The following NIBAN1 variants were observed in gnomAD, a reference collection of about 807,000 sequenced individuals.
NIBAN1 encodes the protein protein Niban 1.
NIBAN1 carries 81 observed loss-of-function variants against 75.1 expected under a neutral mutation model. The observed-to-expected ratio is 1.08, with a 90% confidence interval of 0.90 to 1.30. The LOEUF is 1.30. NIBAN1 is among the 50% of genes most tolerant of loss of function. NIBAN1 has a pLI of 0.00. For missense variants in NIBAN1, 1,133 were observed against 1,128.1 expected (o/e 1.00, Z -0.06); for synonymous variants, 436 against 424.8 (o/e 1.03, Z -0.32).
intron 1 of NIBAN1, among the ~76,000 whole-genome samples, chr1:184,950,528 A>C (rs150234012): frequency 2.6e-5 from 4 of 152,316 alleles, no homozygotes; most frequent in Admixed American, 1.3e-4. Flanking sequence ...CATGAAATGT[A>C]CCCAAGAACA....
At chr1:184,834,848 CTTTAG>C (rs1655096151) in intron 5 of NIBAN1, among the ~76,000 whole-genome samples, 1 of 152,152 alleles carries the variant, frequency 6.6e-6, no homozygotes, top group South Asian at 2.1e-4. Flanking sequence ...TGCAGAAGCT[CTTTAG>C]TTTAATTAGG....
chr1:184,898,482 G>A (rs983923773), intron 2 of NIBAN1, among the ~76,000 whole-genome samples: 1 of 152,046 alleles, frequency 6.6e-6, no homozygotes, highest in Admixed American at 6.6e-5. Flanking sequence ...TGGGTGTGGT[G>A]GTGCGCACCT....
intron 5 of NIBAN1, among the ~76,000 whole-genome samples, chr1:184,834,194 T>C (rs567284475): frequency 1.5e-3 from 232 of 152,338 alleles, no homozygotes; most frequent in African/African-American, 5.2e-3. Context: ...GAACTCATCC[T>C]TTTTTATGGC....
chr1:184,904,285 C>G (rs1365638660), intron 1 of NIBAN1, among the ~76,000 whole-genome samples: 1 of 152,176 alleles, frequency 6.6e-6, no homozygotes, highest in African/African-American at 2.4e-5. Context: ...CGCCTCGACT[C>G]CCATAGTGCT....
rs1390202836 is a variant in NIBAN1, at chr1:184,793,716, TG to T, written c.*1260del. 6.6e-6 allele frequency: 1 copy of T among 152,232 alleles called. No homozygotes were observed. The highest frequency in any genetic ancestry group is 1.5e-5 in the Non-Finnish European group (1 of 68,038). 9.4% of individuals were successfully genotyped at this position (152,232 alleles called of 1,614,324 possible). On this transcript the variant is annotated 3_prime_UTR_variant, in exon 14 of 14. Coordinates refer to ENST00000367511, the MANE Select transcript of NIBAN1 (RefSeq NM_052966.4). ...AAGTCTCTTCCATTTTCAACATTAA[TG>T]GTTATAGGTCACCATCCGTTAAGAA...
At chr1:184,965,309 A>C (rs968485660) in intron 1 of NIBAN1, among the ~76,000 whole-genome samples, 2 of 152,052 alleles carry the variant, frequency 1.3e-5, no homozygotes, top group Non-Finnish European at 2.9e-5. Flanking sequence ...AAAAAAAAAA[A>C]AGAGAAGAAT....
At chr1:184,806,312 G>T (rs997692373) in intron 10 of NIBAN1, among the ~76,000 whole-genome samples, 7 of 152,212 alleles carry the variant, frequency 4.6e-5, no homozygotes, top group Non-Finnish European at 8.8e-5. Context: ...GTCATCTCCC[G>T]TGGGCACTCC....
In NIBAN1 at chr1:184,946,726, A is replaced by G. The variant is rs562994755; in HGVS notation, c.55+27576T>C. Among the ~76,000 whole-genome samples the G allele has an allele frequency of 2.0e-5, 3 of 152,360 alleles. No individual in the cohort carries two copies. In the South Asian group the frequency reaches 6.2e-4, roughly 32 times the overall value. On this transcript the variant is annotated intron_variant, in intron 1 of 13. Coordinates refer to ENST00000367511, the MANE Select transcript of NIBAN1 (RefSeq NM_052966.4). ...TACCTGCTATTGGGAGTGGAAGGCC[A>G]CATTCTCCACTCTTCATATTTTCAT...
chr1:184,808,605 A>C (rs1654275818), intron 9 of NIBAN1, among the ~76,000 whole-genome samples: 1 of 152,014 alleles, frequency 6.6e-6, no homozygotes, highest in African/African-American at 2.4e-5. Context: ...AGGCTTCCAA[A>C]ATCTTCTTTA....
At chr1:184,888,505 G>A (rs945760823) in intron 4 of NIBAN1, among the ~76,000 whole-genome samples, 2 of 152,134 alleles carry the variant, frequency 1.3e-5, no homozygotes, top group African/African-American at 4.8e-5. Flanking sequence ...TTTTCCAGAT[G>A]CCATCAGTGA....
intron 1 of NIBAN1, among the ~76,000 whole-genome samples, chr1:184,910,527 A>G (rs1030433672): frequency 6.6e-6 from 1 of 152,220 alleles, no homozygotes; most frequent in Admixed American, 6.5e-5. Flanking sequence ...CTCTGTTAGT[A>G]CTACATTAAT....
chr1:184,931,198 C>A (rs1657813286), intron 1 of NIBAN1, among the ~76,000 whole-genome samples: 1 of 152,024 alleles, frequency 6.6e-6, no homozygotes, highest in Non-Finnish European at 1.5e-5. Context: ...CGGGGTTTCA[C>A]CATGTTGGCC....
intron 9 of NIBAN1, among the ~76,000 whole-genome samples, chr1:184,812,550 T>G (rs972016999): frequency 8.5e-5 from 13 of 152,206 alleles, no homozygotes; most frequent in Non-Finnish European, 1.6e-4. Context: ...TAAAAATCAC[T>G]GCTTATCTCC....
intron 1 of NIBAN1, among the ~76,000 whole-genome samples, chr1:184,937,931 G>A (rs1489857353): frequency 2.0e-5 from 3 of 152,188 alleles, no homozygotes; most frequent in African/African-American, 7.2e-5. Context: ...AGGGACTGCG[G>A]GAGCTTGACA....
At chr1:184,892,645 T>C (rs1225821854) in intron 3 of NIBAN1, among the ~76,000 whole-genome samples, 1 of 152,166 alleles carries the variant, frequency 6.6e-6, no homozygotes, top group African/African-American at 2.4e-5. Context: ...TGAAATAAGT[T>C]TGTAGTATAT....
rs1207806565 is a variant in NIBAN1 at position 184,793,863 on chromosome 1, CCAAA to C, written c.*1110_*1113del. On this transcript the variant is annotated 3_prime_UTR_variant, in exon 14 of 14. Transcript: ENST00000367511. ...GAGACTCAATTAGCTTGCTGAATGA[CCAAA>C]CAAATGATTTCAGCTTTTGATAACA... 3.3e-5 allele frequency: 5 copies of C among 152,166 alleles called. No individual in the cohort carries two copies. The highest frequency in any genetic ancestry group is 3.3e-4 in the Admixed American group (5 of 15,278). 9.4% of individuals were successfully genotyped at this position (152,166 alleles called of 1,614,324 possible).
intron 13 of NIBAN1, among the ~76,000 whole-genome samples, chr1:184,796,680 C>T (rs1004343339): frequency 1.3e-5 from 2 of 152,158 alleles, no homozygotes; most frequent in South Asian, 4.1e-4. Context: ...CATTTTTGAC[C>T]ACAGGCCTCC....
chr1:184,961,102 T>C (rs933750287), intron 1 of NIBAN1, among the ~76,000 whole-genome samples: 1 of 131,288 alleles, frequency 7.6e-6, no homozygotes, highest in African/African-American at 2.9e-5. Flanking sequence ...GGAGTCTTGC[T>C]CTGTCGCCCA....
At chr1:184,949,360 AAAAT>A (rs917555354) in intron 1 of NIBAN1, among the ~76,000 whole-genome samples, 1 of 152,234 alleles carries the variant, frequency 6.6e-6, no homozygotes, top group African/African-American at 2.4e-5. Flanking sequence ...TCCGTCTCAA[AAAAT>A]AAATAAATAA....
Sources: allele counts gnomAD v4.1 joint callset (sites outside exome capture counted in the v4.1 genomes callset), GRCh38; gene constraint gnomAD v4.1.1; transcripts MANE v1.5; gene names NCBI Gene and HGNC (gene_info 2026-07-23, HGNC 2026-07-21).